The following AAMDC variants were observed in gnomAD, a reference collection of about 807,000 sequenced individuals.
AAMDC encodes adipogenesis associated Mth938 domain containing.
AAMDC carries 16 observed loss-of-function variants against 15.5 expected under a neutral mutation model. The ratio of observed to expected loss-of-function variants is 1.03; its 90% CI spans 0.70 to 1.57. AAMDC has a LOEUF of 1.57. AAMDC is among the 40% of genes most tolerant of loss of function. The pLI, the probability that AAMDC is intolerant of heterozygous loss-of-function variation, is 0.00. For synonymous variants in AAMDC, 51 were observed against 51.6 expected (o/e 0.99, Z 0.05); for missense variants, 141 against 144.9 (o/e 0.97, Z 0.14).
At chr11:77,881,617 T>G (rs1951794938) in intron 5 of AAMDC, among the ~76,000 whole-genome samples, 1 of 152,210 alleles carries the variant, frequency 6.6e-6, no homozygotes, top group Middle Eastern at 3.2e-3. Flanking sequence ...TTAAATGAAT[T>G]TTTATTGCAC....
intron 5 of AAMDC, among the ~76,000 whole-genome samples, chr11:77,898,454 G>A (rs541334988): frequency 1.4e-4 from 21 of 152,268 alleles, no homozygotes; most frequent in Admixed American, 1.2e-3. Context: ...GAGCCACTGC[G>A]CCCGGCCAAC....
chr11:77,900,153 G>A (rs1387006072), intron 5 of AAMDC, among the ~76,000 whole-genome samples: 1 of 151,638 alleles, frequency 6.6e-6, no homozygotes, highest in African/African-American at 2.4e-5. Context: ...AGGCTGGAGT[G>A]CAGTGGTGTG....
intron 2 of AAMDC, among the ~76,000 whole-genome samples, chr11:77,860,798 T>C (rs1950845777): frequency 6.6e-6 from 1 of 152,198 alleles, no homozygotes; most frequent in African/African-American, 2.4e-5. Context: ...TCCAGGACTG[T>C]AAACCACTCT....
At chr11:77,857,571 TTTTA>T (rs984768487) in intron 2 of AAMDC, among the ~76,000 whole-genome samples, 9 of 152,246 alleles carry the variant, frequency 5.9e-5, no homozygotes, top group Non-Finnish European at 8.8e-5. Context: ...GATTATTTTG[TTTTA>T]TTTATTTATT....
At chr11:77,868,302 G>A (rs764640791) in intron 2 of AAMDC, among the ~76,000 whole-genome samples, 32 of 149,990 alleles carry the variant, frequency 2.1e-4, no homozygotes, top group Admixed American at 1.5e-3. Context: ...TGATCCACCC[G>A]CCTCAGCCTC....
chr11:77,892,570 A>G (rs1413338425), intron 5 of AAMDC, among the ~76,000 whole-genome samples: 1 of 152,138 alleles, frequency 6.6e-6, no homozygotes, highest in Non-Finnish European at 1.5e-5. Flanking sequence ...TTTCAGATTC[A>G]AAACTAGAAT....
At chr11:77,889,572 A>G (rs1263469203) in intron 5 of AAMDC, among the ~76,000 whole-genome samples, 1 of 152,206 alleles carries the variant, frequency 6.6e-6, no homozygotes. Context: ...TAAAATGTTA[A>G]TGAATGGAGT....
chr11:77,905,638 A>G (rs978664465), downstream of AAMDC, among the ~76,000 whole-genome samples: 5 of 152,160 alleles, frequency 3.3e-5, no homozygotes, highest in South Asian at 2.1e-4. Context: ...GTACATCTGC[A>G]TTTGTGAAAG....
intron 2 of AAMDC, among the ~76,000 whole-genome samples, chr11:77,861,881 GT>G (rs1057148003): frequency 6.6e-6 from 1 of 152,090 alleles, no homozygotes; most frequent in African/African-American, 2.4e-5. Flanking sequence ...GGGTTTCTAA[GT>G]TTTTTGAAGT....
At chr11:77,881,942 T>C (rs1179523169) in intron 5 of AAMDC, among the ~76,000 whole-genome samples, 2 of 151,912 alleles carry the variant, frequency 1.3e-5, no homozygotes, top group African/African-American at 2.4e-5. Flanking sequence ...GTCAGGGTCT[T>C]GCTCTGTTAC....
intron 1 of AAMDC, among the ~76,000 whole-genome samples, chr11:77,825,237 C>T (rs956252893): frequency 6.6e-6 from 1 of 151,960 alleles, no homozygotes; most frequent in Non-Finnish European, 1.5e-5. Context: ...TCACCTCAGC[C>T]TCCCAAAGTG....
At chr11:77,833,494 C>A (rs1949548173) in intron 1 of AAMDC, among the ~76,000 whole-genome samples, 1 of 151,918 alleles carries the variant, frequency 6.6e-6, no homozygotes, top group Non-Finnish European at 1.5e-5. Flanking sequence ...AGAGCTCGGG[C>A]AGTAATGTGA....
At chr11:77,878,708 A>G (rs1951676646) in intron 5 of AAMDC, 1 of 695,384 alleles carries the variant, frequency 1.4e-6, no homozygotes, top group East Asian at 2.7e-5. Context: ...ACAGACCAGG[A>G]ACTAGAACAG....
intron 1 of AAMDC, among the ~76,000 whole-genome samples, chr11:77,833,765 G>C (rs1565197906): frequency 6.6e-6 from 1 of 152,102 alleles, no homozygotes; most frequent in African/African-American, 2.4e-5. Flanking sequence ...AGCACAATCT[G>C]TTTTGTATTA....
At chr11:77,902,993 C>CTAGGA (rs953397554), downstream of AAMDC, among the ~76,000 whole-genome samples, 8 of 152,220 alleles carry the variant, frequency 5.3e-5, no homozygotes, top group African/African-American at 1.9e-4. Context: ...CGGTCTCAAA[C>CTAGGA]TCCTAACCTT....
downstream of AAMDC, chr11:77,903,409 G>C: frequency 6.2e-7 from 1 of 1,605,394 alleles, no homozygotes; most frequent in Non-Finnish European, 8.5e-7. Flanking sequence ...AATACAAAGG[G>C]GCAGCTACAT....
chr11:77,853,556 A>G (rs540634864), intron 2 of AAMDC, among the ~76,000 whole-genome samples: 9 of 152,298 alleles, frequency 5.9e-5, no homozygotes, highest in African/African-American at 1.7e-4. Flanking sequence ...ACTGGGGATT[A>G]TAATTCGATA....
At chr11:77,857,671 C>T (rs936044778) in intron 2 of AAMDC, among the ~76,000 whole-genome samples, 2 of 150,302 alleles carry the variant, frequency 1.3e-5, no homozygotes, top group Non-Finnish European at 3.0e-5. Context: ...GGATGGTTTG[C>T]TGCACCTATC....
intron 3 of AAMDC, 134 bp from the exon 4 acceptor site, chr11:77,872,041 T>C: frequency 1.1e-6 from 1 of 938,890 alleles, no homozygotes; most frequent in Non-Finnish European, 1.5e-6. Flanking sequence ...AATTTTGGAC[T>C]GGTGATACAC....
Sources: gnomAD v4.1 joint callset for allele counts (sites outside exome capture counted in the v4.1 genomes callset) on GRCh38, gnomAD v4.1.1 for gene constraint, MANE v1.5 for transcripts, NCBI Gene and HGNC (gene_info 2026-07-23, HGNC 2026-07-21) for gene names.